Variants in KIRREL3 observed in about 807,000 individuals in gnomAD.
KIRREL3 encodes kin of IRRE-like protein 3.
Under a neutral mutation model 89.7 loss-of-function variants are expected in KIRREL3, and 36 were observed. That is an observed-to-expected ratio of 0.40 (90% confidence interval 0.31 to 0.53). The LOEUF (loss-of-function observed/expected upper bound fraction) is 0.53. KIRREL3 is among the 20% of genes least tolerant of loss of function. The probability of loss-of-function intolerance (pLI) is 0.49; values close to 1 mark genes in which losing one functional copy is unlikely to be tolerated. For synonymous variants in KIRREL3, 445 were observed against 441.4 expected (o/e 1.01, Z -0.10); for missense variants, 864 against 1,056.6 (o/e 0.82, Z 2.53).
chr11:126,497,213 TGTG>T (rs1957692391), intron 4 of KIRREL3, among the ~76,000 whole-genome samples: 1 of 46,576 alleles, frequency 2.1e-5, no homozygotes, highest in Non-Finnish European at 5.9e-5. Context: ...AGTGTGAGTG[TGTG>T]AGAGTGAGTG....
At chr11:126,711,916 G>T (rs1947772038) in intron 1 of KIRREL3, among the ~76,000 whole-genome samples, 4 of 152,144 alleles carry the variant, frequency 2.6e-5, no homozygotes, top group Admixed American at 1.3e-4. Context: ...CCTAAAAACA[G>T]GATATTCTAG....
chr11:126,703,930 CT>C lies in KIRREL3; in HGVS notation c.56-141019del, dbSNP rs1947415731. On this transcript the variant is annotated intron_variant, in intron 1 of 16. Coordinates refer to ENST00000525144, the MANE Select transcript of KIRREL3 (RefSeq NM_032531.4). This position sits in a 1 kb window ranked among gnomAD's most constrained non-coding sequence, Gnocchi z 4.6. ...CATCTACATACCTTGCATTCCTCCC[CT>C]TTCACAGAAAGGAAGAAGAAATGGA... Among the ~76,000 whole-genome samples the C allele has an allele frequency of 7.7e-6, 1 of 129,652 alleles. No homozygotes were observed. The highest frequency in any genetic ancestry group is 1.6e-5 in the Non-Finnish European group (1 of 62,080). 85.1% of individuals were successfully genotyped at this position (129,652 alleles called of 152,430 possible).
At chr11:126,947,772 C>T (rs1948660157) in intron 1 of KIRREL3, among the ~76,000 whole-genome samples, 1 of 152,186 alleles carries the variant, frequency 6.6e-6, no homozygotes, top group African/African-American at 2.4e-5. Context: ...ATGTTAACGT[C>T]ATAATGCACA....
chr11:126,626,977 G>A (rs1175833150), intron 1 of KIRREL3, among the ~76,000 whole-genome samples: 2 of 150,744 alleles, frequency 1.3e-5, no homozygotes, highest in Non-Finnish European at 2.9e-5. Context: ...TCCAGCCTGG[G>A]CCACAAGAGT....
rs952380952 is a variant in KIRREL3 at position 126,812,946 on chromosome 11, G to A, written c.55+187509C>T. 2.0e-5 allele frequency among the ~76,000 whole-genome samples: 3 copies of A among 152,172 alleles called. No individual in the cohort carries two copies. Among genetic ancestry groups the A allele is most frequent in the South Asian group, 2.1e-4 (1 of 4,828 alleles). On this transcript the variant is annotated intron_variant, in intron 1 of 16. Coordinates refer to ENST00000525144, the MANE Select transcript of KIRREL3 (RefSeq NM_032531.4). The surrounding 1 kb of genome is among the most constrained non-coding windows in gnomAD (Gnocchi z 5.2). ...TGGAGGTTGTTGGGCTGCAGTTCACGGCCCAGGTGAGACCACACTGCAGAA... is the reference window on the plus strand; with the variant it reads ...TGGAGGTTGTTGGGCTGCAGTTCACAGCCCAGGTGAGACCACACTGCAGAA...
chr11:126,436,586 T>C (rs1477542455), intron 12 of KIRREL3, among the ~76,000 whole-genome samples: 1 of 152,214 alleles, frequency 6.6e-6, no homozygotes, highest in Non-Finnish European at 1.5e-5. Context: ...TGAGCTGTGT[T>C]CTTCCCTTTC....
intron 1 of KIRREL3, among the ~76,000 whole-genome samples, chr11:126,799,328 C>CTG (rs1292463108): frequency 9.8e-6 from 1 of 101,784 alleles, no homozygotes; most frequent in Non-Finnish European, 2.0e-5. Flanking sequence ...CTATGTGTAT[C>CTG]TGTGTGTGTG....
intron 8 of KIRREL3, 125 bp from the exon 9 acceptor site, chr11:126,447,011 A>G (rs1955846532): frequency 1.7e-6 from 2 of 1,168,446 alleles, no homozygotes; most frequent in Non-Finnish European, 2.4e-6. Flanking sequence ...TACTTGTGCC[A>G]CCTCAGTCGC....
At chr11:126,881,982 T>C (rs1163123665) in intron 1 of KIRREL3, among the ~76,000 whole-genome samples, 1 of 152,142 alleles carries the variant, frequency 6.6e-6, no homozygotes, top group Non-Finnish European at 1.5e-5. Flanking sequence ...CTGGGGTGCA[T>C]GTATGTAGGG....
chr11:126,499,012 G>A (rs1459752503), intron 4 of KIRREL3, among the ~76,000 whole-genome samples: 1 of 152,122 alleles, frequency 6.6e-6, no homozygotes. Context: ...AATTAGCCAG[G>A]TGTGGTGGCA....
chr11:126,815,023 CATT>C (rs1419258232), intron 1 of KIRREL3, among the ~76,000 whole-genome samples: 6 of 152,128 alleles, frequency 3.9e-5, no homozygotes, highest in Non-Finnish European at 8.8e-5. Context: ...GAGGATTCAT[CATT>C]GACATGCAGA....
intron 4 of KIRREL3, among the ~76,000 whole-genome samples, chr11:126,481,933 G>A (rs749011758): frequency 1.3e-5 from 2 of 152,132 alleles, no homozygotes; most frequent in African/African-American, 2.4e-5. Context: ...CTGACTCTTC[G>A]GCCTTGCTTT....
Position 126,811,468 on chromosome 11 carries a change from G to A in KIRREL3, c.55+188987C>T, listed in dbSNP as rs1951385106. Among the ~76,000 whole-genome samples, 1 of 152,248 alleles carries A rather than the reference G, an allele frequency of 6.6e-6. No homozygotes were observed. Among genetic ancestry groups the A allele is most frequent in the Admixed American group, 6.5e-5 (1 of 15,288 alleles). ...TAGCACATAGAGTATTCTCATAGCT[G>A]TTGACAAACTGGACAGATACATGAG... On this transcript the variant is annotated intron_variant, in intron 1 of 16. Coordinates refer to ENST00000525144, the MANE Select transcript of KIRREL3 (RefSeq NM_032531.4). This position sits in a 1 kb window ranked among gnomAD's most constrained non-coding sequence, Gnocchi z 4.3.
At chr11:126,961,446 C>T (rs1458575875) in intron 1 of KIRREL3, among the ~76,000 whole-genome samples, 3 of 152,146 alleles carry the variant, frequency 2.0e-5, no homozygotes, top group African/African-American at 7.2e-5. Flanking sequence ...TGAAATCAAC[C>T]ACAACATTCT....
chr11:126,507,739 T>G (rs1958072742), intron 4 of KIRREL3, among the ~76,000 whole-genome samples: 1 of 152,152 alleles, frequency 6.6e-6, no homozygotes, highest in Non-Finnish European at 1.5e-5. Flanking sequence ...TTTTTGAGGG[T>G]CTTTCTGGCA....
intron 1 of KIRREL3, among the ~76,000 whole-genome samples, chr11:126,851,382 A>G (rs1329727500): frequency 1.3e-5 from 2 of 152,186 alleles, no homozygotes; most frequent in Non-Finnish European, 2.9e-5. Context: ...GAGTCCATGC[A>G]GGGAAGGTAC....
intron 1 of KIRREL3, among the ~76,000 whole-genome samples, chr11:126,979,339 A>C (rs1263191685): frequency 1.3e-5 from 2 of 152,248 alleles, no homozygotes; most frequent in African/African-American, 2.4e-5. Context: ...CATACATTAA[A>C]ATACAAACTA....
rs575647541 is a variant in KIRREL3 at position 126,778,847 on chromosome 11, C to T, written c.56-215935G>A. On this transcript the variant is annotated intron_variant, in intron 1 of 16. Coordinates refer to ENST00000525144, the MANE Select transcript of KIRREL3 (RefSeq NM_032531.4). This position sits in a 1 kb window ranked among gnomAD's most constrained non-coding sequence, Gnocchi z 4.5. ...TATAAGTCCAGCATGGAAAAACTGT[C>T]GTTCTTGTTATTTTATAGTCTACCA... 6.6e-6 allele frequency among the ~76,000 whole-genome samples: 1 copy of T among 152,294 alleles called. No individual in the cohort carries two copies. Among genetic ancestry groups the T allele is most frequent in the East Asian group, 1.9e-4 (1 of 5,180 alleles).
At position 126,744,833 on chromosome 11, in the gene KIRREL3, C is replaced by A. The variant is rs1425776336; in HGVS notation, c.56-181921G>T. 1.3e-5 allele frequency among the ~76,000 whole-genome samples: 2 copies of A among 150,780 alleles called. No homozygotes were observed. The highest frequency in any genetic ancestry group is 2.9e-5 in the Non-Finnish European group (2 of 67,944). ...TACTGTATTTGCCCTGTTGCCTGCTCTGTCCCTGACACAATAAATTGTGTC... is the reference window on the plus strand; with the variant it reads ...TACTGTATTTGCCCTGTTGCCTGCTATGTCCCTGACACAATAAATTGTGTC... On this transcript the variant is annotated intron_variant, in intron 1 of 16. Coordinates refer to ENST00000525144, the MANE Select transcript of KIRREL3 (RefSeq NM_032531.4). The surrounding 1 kb of genome is among the most constrained non-coding windows in gnomAD (Gnocchi z 4.7).
Sources: allele counts gnomAD v4.1 joint callset (sites outside exome capture counted in the v4.1 genomes callset), GRCh38; gene constraint gnomAD v4.1.1; non-coding constraint Gnocchi (gnomAD v3.1); transcripts MANE v1.5; gene names NCBI Gene and HGNC (gene_info 2026-07-23, HGNC 2026-07-21).